Variants in FOXK1 observed in about 807,000 individuals in gnomAD.
The protein encoded by FOXK1 is forkhead box protein K1.
A neutral mutation model predicts 51.9 loss-of-function variants in FOXK1; 19 were observed. The observed-to-expected ratio is 0.37, with a 90% confidence interval of 0.26 to 0.54. The LOEUF is 0.54. Ranked by LOEUF, FOXK1 falls within the 20% of genes least tolerant of loss-of-function variation. FOXK1 has a pLI of 0.87. For synonymous variants in FOXK1, 537 were observed against 482.6 expected (o/e 1.11, Z -1.48); for missense variants, 870 against 1,032.7 (o/e 0.84, Z 2.16).
At chr7:4,702,811 C>T (rs1051005730) in intron 1 of FOXK1, among the ~76,000 whole-genome samples, 5 of 152,328 alleles carry the variant, frequency 3.3e-5, no homozygotes, top group African/African-American at 9.6e-5. Context: ...CCATCCTGGA[C>T]GGGGCCTTGA....
chr7:4,698,738 G>T (rs1779983372), intron 1 of FOXK1, among the ~76,000 whole-genome samples: 1 of 152,136 alleles, frequency 6.6e-6, no homozygotes, highest in Admixed American at 6.5e-5. Flanking sequence ...TGTGTTTCTA[G>T]AAATGGGGTT....
At chr7:4,708,189 G>C (rs1021698618) in intron 1 of FOXK1, among the ~76,000 whole-genome samples, 5 of 152,260 alleles carry the variant, frequency 3.3e-5, no homozygotes, top group African/African-American at 9.6e-5. Context: ...GGCTTTTTCA[G>C]ATGCTGATTT....
At chr7:4,740,417 G>A (rs1428625834) in intron 1 of FOXK1, among the ~76,000 whole-genome samples, 3 of 146,004 alleles carry the variant, frequency 2.1e-5, no homozygotes, top group African/African-American at 7.7e-5. Flanking sequence ...GCGACAGAGT[G>A]AGACTCCCTC....
At chr7:4,736,908 T>C (rs1780559702) in intron 1 of FOXK1, among the ~76,000 whole-genome samples, 1 of 152,140 alleles carries the variant, frequency 6.6e-6, no homozygotes, top group Non-Finnish European at 1.5e-5. Context: ...CACAATTTGC[T>C]CTTTGAAAGG....
chr7:4,692,096 T>TAATAATAA (rs1779900379), intron 1 of FOXK1, among the ~76,000 whole-genome samples: 1 of 152,080 alleles, frequency 6.6e-6, no homozygotes, highest in African/African-American at 2.4e-5. Flanking sequence ...TCAAAAATGG[T>TAATAATAA]AATAATAACT....
At chr7:4,691,140 G>A (rs569071973) in intron 1 of FOXK1, among the ~76,000 whole-genome samples, 7 of 152,242 alleles carry the variant, frequency 4.6e-5, no homozygotes, top group East Asian at 1.9e-4. Context: ...GCCAGGAATC[G>A]GAGGAACCAG....
chr7:4,746,223 T>G (rs186375118), intron 2 of FOXK1, among the ~76,000 whole-genome samples: 1 of 152,362 alleles, frequency 6.6e-6, no homozygotes, highest in East Asian at 1.9e-4. Context: ...CTTTCCCTTT[T>G]AATCATGATT....
At position 4,735,884 on chromosome 7, in the gene FOXK1, C is replaced by A. The variant is rs1476040995; in HGVS notation, c.561-4954C>A. ...TATTTAAAAATCAAGCCAGGTGCAG[C>A]GGCTCACACCTGTAATCCCAGCACT... On this transcript the variant is annotated intron_variant, in intron 1 of 8. Transcript: ENST00000328914. This position sits in a 1 kb window ranked among gnomAD's most constrained non-coding sequence, Gnocchi z 4.7. 6.6e-6 allele frequency among the ~76,000 whole-genome samples: 1 copy of A among 152,132 alleles called. No homozygotes were observed. The highest frequency in any genetic ancestry group is 2.4e-5 in the African/African-American group (1 of 41,432).
intron 2 of FOXK1, among the ~76,000 whole-genome samples, chr7:4,750,201 C>T (rs1351727298): frequency 6.6e-6 from 1 of 152,218 alleles, no homozygotes; most frequent in Non-Finnish European, 1.5e-5. Context: ...GGGGCACAGG[C>T]GTTTGATTCC....
chr7:4,696,280 T>C (rs897839047), intron 1 of FOXK1, among the ~76,000 whole-genome samples: 2 of 152,120 alleles, frequency 1.3e-5, no homozygotes, highest in African/African-American at 4.8e-5. Context: ...GGGACAAGCT[T>C]GCTGATGTAG....
In FOXK1 at chr7:4,761,393, A is replaced by G; in HGVS notation, c.1921+105A>G. On this transcript the variant is annotated intron_variant, in intron 8 of 8. Coordinates refer to ENST00000328914, the MANE Select transcript of FOXK1 (RefSeq NM_001037165.2). The surrounding 1 kb of genome is among the most constrained non-coding windows in gnomAD (Gnocchi z 6.2). Reference sequence around the variant, plus strand: ...CCCAGTATCTCCCGATCCTCCACTCAGTTCAATTTATTGAGCACCTGCTAT... The same window carrying G: ...CCCAGTATCTCCCGATCCTCCACTCGGTTCAATTTATTGAGCACCTGCTAT... 8.5e-7 allele frequency: 1 copy of G among 1,172,724 alleles called. No homozygotes were observed. The highest frequency in any genetic ancestry group is 1.4e-5 in the South Asian group (1 of 70,340). 72.6% of individuals were successfully genotyped at this position (1,172,724 alleles called of 1,614,324 possible). A position where few individuals can be genotyped will look rare whatever the true frequency, so the allele number is the denominator to read the frequency against.
At chr7:4,736,430 T>A (rs996676362) in intron 1 of FOXK1, among the ~76,000 whole-genome samples, 2 of 151,552 alleles carry the variant, frequency 1.3e-5, no homozygotes, top group East Asian at 1.9e-4. Context: ...TTTTTTTTTT[T>A]AAGACAGAGT....
Position 4,753,011 on chromosome 7 carries a change from C to G in FOXK1, c.747-1448C>G, listed in dbSNP as rs762475620. Among the ~76,000 whole-genome samples the G allele has an allele frequency of 1.3e-5, 2 of 152,192 alleles. No homozygotes were observed. The highest frequency in any genetic ancestry group is 4.8e-5 in the African/African-American group (2 of 41,450). On this transcript the variant is annotated intron_variant, in intron 2 of 8. Transcript: ENST00000328914. This position sits in a 1 kb window ranked among gnomAD's most constrained non-coding sequence, Gnocchi z 4.9. Reference sequence around the variant, plus strand: ...CCTTTTGACTGTTTCCTACCTCGATCGAGCCATTTGTGGGTGTTCATTTAA... The same window carrying G: ...CCTTTTGACTGTTTCCTACCTCGATGGAGCCATTTGTGGGTGTTCATTTAA...
At position 4,731,161 on chromosome 7, in the gene FOXK1, G is replaced by A. The variant is rs929931628; in HGVS notation, c.561-9677G>A. Among the ~76,000 whole-genome samples the A allele has an allele frequency of 1.5e-4, 23 of 152,220 alleles. No individual in the cohort carries two copies. Among genetic ancestry groups the A allele is most frequent in the Non-Finnish European group, 2.9e-4 (20 of 68,030 alleles). ...TCCCTGCACAGAGAACTTGCTGGTAGGAGGTGGTGAGGGGCCTCCGAGGTG... is the reference window on the plus strand; with the variant it reads ...TCCCTGCACAGAGAACTTGCTGGTAAGAGGTGGTGAGGGGCCTCCGAGGTG... On this transcript the variant is annotated intron_variant, in intron 1 of 8. Coordinates refer to ENST00000328914, the MANE Select transcript of FOXK1 (RefSeq NM_001037165.2). This position sits in a 1 kb window ranked among gnomAD's most constrained non-coding sequence, Gnocchi z 5.3.
At chr7:4,727,387 C>T (rs1415022170) in intron 1 of FOXK1, among the ~76,000 whole-genome samples, 1 of 152,170 alleles carries the variant, frequency 6.6e-6, no homozygotes, top group Non-Finnish European at 1.5e-5. Context: ...GTGATCTCAG[C>T]TCATTGCAAC....
chr7:4,706,896 C>G (rs1420391631), intron 1 of FOXK1, among the ~76,000 whole-genome samples: 1 of 152,206 alleles, frequency 6.6e-6, no homozygotes, highest in Non-Finnish European at 1.5e-5. Context: ...TGCCTTCTCC[C>G]TCTCACCTCC....
chr7:4,705,219 C>G (rs1780068242), intron 1 of FOXK1, among the ~76,000 whole-genome samples: 1 of 151,698 alleles, frequency 6.6e-6, no homozygotes, highest in South Asian at 2.1e-4. Context: ...GACAAGATCT[C>G]ACTCTGTTAC....
At chr7:4,684,149 C>G (rs1238917198) in intron 1 of FOXK1, among the ~76,000 whole-genome samples, 3 of 152,208 alleles carry the variant, frequency 2.0e-5, no homozygotes, top group South Asian at 2.1e-4. Context: ...GTCTGTTGAT[C>G]AGGAGAAAGC....
At chr7:4,726,398 T>C (rs1159235882) in intron 1 of FOXK1, among the ~76,000 whole-genome samples, 3 of 152,092 alleles carry the variant, frequency 2.0e-5, no homozygotes, top group Non-Finnish European at 2.9e-5. Context: ...GCCTGGCAGA[T>C]CATTTGAAGT....
Sources: gnomAD v4.1 joint callset for allele counts (sites outside exome capture counted in the v4.1 genomes callset) on GRCh38, gnomAD v4.1.1 for gene constraint, Gnocchi (gnomAD v3.1) non-coding constraint, MANE v1.5 for transcripts, NCBI Gene and HGNC (gene_info 2026-07-23, HGNC 2026-07-21) for gene names.